Variants in ITGA9 observed in about 807,000 individuals in gnomAD.
ITGA9 encodes integrin alpha-9.
Under a neutral mutation model 127.8 loss-of-function variants are expected in ITGA9, and 56 were observed. The observed-to-expected ratio is 0.44, with a 90% CI of 0.35 to 0.55. ITGA9 has a LOEUF of 0.55. Among genes scored for constraint, ITGA9 ranks in the 20% least tolerant of loss-of-function variants. ITGA9 has a pLI of 0.00. For missense variants in ITGA9, 1,196 were observed against 1,347.1 expected, an observed-to-expected ratio of 0.89 and a Z score of 1.76; for synonymous variants, 508 against 514.5, an observed-to-expected ratio of 0.99 and a Z score of 0.17.
chr3:37,652,685 G>A (rs1340069767), intron 16 of ITGA9, among the ~76,000 whole-genome samples: 1 of 152,082 alleles, frequency 6.6e-6, no homozygotes, highest in African/African-American at 2.4e-5. Flanking sequence ...CTACATTTTG[G>A]GGAAAAAACT....
At chr3:37,505,944 T>C in intron 6 of ITGA9, 56 bp from the exon 7 acceptor site, 1 of 1,269,964 alleles carries the variant, frequency 7.9e-7, no homozygotes, top group Admixed American at 2.0e-5. Context: ...TGGATGTTTT[T>C]TTTTCCCTTC....
In ITGA9 at chr3:37,477,913, A is replaced by AT. The variant is rs201494641; in HGVS notation, c.421-3560dup. Among the ~76,000 whole-genome samples, 456 of 130,084 alleles carry AT rather than the reference A, an allele frequency of 3.5e-3. 2 individuals carry two copies. The highest frequency in any genetic ancestry group is 0.01 in the African/African-American group (355 of 34,398). The allele number at this position is 130,084 out of a possible 152,430, so 85.3% of individuals were successfully genotyped here. On this transcript the variant is annotated intron_variant, in intron 3 of 27. Transcript: ENST00000264741. Reference sequence around the variant, plus strand: ...TCTGTTCAGTGCTTCCCATCTGTCCATTTTTTTTTTTCAAAGCCACAGGGT... The same window carrying AT: ...TCTGTTCAGTGCTTCCCATCTGTCCATTTTTTTTTTTTCAAAGCCACAGGGT...
At chr3:37,458,534 C>G (rs928176550) in intron 1 of ITGA9, among the ~76,000 whole-genome samples, 1 of 152,216 alleles carries the variant, frequency 6.6e-6, no homozygotes, top group Non-Finnish European at 1.5e-5. Context: ...ACAGCCTCAG[C>G]TGGAATCCTG....
At chr3:37,744,120 G>A (rs1161493864) in intron 22 of ITGA9, 86 bp downstream of exon 22, 3 of 915,554 alleles carry the variant, frequency 3.3e-6, no homozygotes, top group Non-Finnish European at 5.5e-6. Flanking sequence ...CTAAGCTCTT[G>A]TCAGGAGAAA....
intron 5 of ITGA9, among the ~76,000 whole-genome samples, chr3:37,498,385 C>T (rs1345046775): frequency 6.6e-6 from 1 of 151,978 alleles, no homozygotes. Context: ...GACAGAGAGC[C>T]GAGGAGAAAG....
At chr3:37,568,926 G>A (rs942754452) in intron 15 of ITGA9, among the ~76,000 whole-genome samples, 1 of 152,022 alleles carries the variant, frequency 6.6e-6, no homozygotes, top group East Asian at 1.9e-4. Flanking sequence ...TTTCAAAGTC[G>A]CTTCCACATT....
At chr3:37,600,157 T>A (rs1457852392) in intron 15 of ITGA9, among the ~76,000 whole-genome samples, 1 of 152,170 alleles carries the variant, frequency 6.6e-6, no homozygotes, top group African/African-American at 2.4e-5. Flanking sequence ...ACATTATAAA[T>A]ACAATAATTT....
At chr3:37,787,714 G>T (rs1485670764) in intron 26 of ITGA9, among the ~76,000 whole-genome samples, 7 of 152,178 alleles carry the variant, frequency 4.6e-5, no homozygotes, top group African/African-American at 1.7e-4. Flanking sequence ...TGAATGCCTG[G>T]CCTTCTGTCA....
chr3:37,526,184 T>G, intron 13 of ITGA9, 113 bp downstream of exon 13: 1 of 909,948 alleles, frequency 1.1e-6, no homozygotes, highest in Non-Finnish European at 1.8e-6. Context: ...TGGAGGTGCT[T>G]AGTAAGTGGA....
At chr3:37,523,644 A>C (rs1278588913) in intron 12 of ITGA9, 33 bp downstream of exon 12, 1 of 1,336,978 alleles carries the variant, frequency 7.5e-7, no homozygotes, top group Non-Finnish European at 1.1e-6. Context: ...CACATGAGAT[A>C]AATGAAGATA....
At chr3:37,747,871 G>C (rs1696524274) in intron 22 of ITGA9, among the ~76,000 whole-genome samples, 1 of 152,044 alleles carries the variant, frequency 6.6e-6, no homozygotes, top group Non-Finnish European at 1.5e-5. Flanking sequence ...TGGGACTAGA[G>C]TTACACACCA....
At chr3:37,818,209 A>G (rs1416481725) in intron 27 of ITGA9, 1 of 149,338 alleles carries the variant, frequency 6.7e-6, no homozygotes, top group African/African-American at 2.5e-5. Flanking sequence ...AAAAAAAAAA[A>G]AAAAAAAAGC....
chr3:37,545,711 G>A (rs566112270), intron 15 of ITGA9, among the ~76,000 whole-genome samples: 4 of 152,206 alleles, frequency 2.6e-5, no homozygotes, highest in East Asian at 3.9e-4. Context: ...TGGGGATGGG[G>A]CCCCTCCCAC....
At chr3:37,575,741 A>G (rs1230109669) in intron 15 of ITGA9, among the ~76,000 whole-genome samples, 1 of 151,670 alleles carries the variant, frequency 6.6e-6, no homozygotes, top group African/African-American at 2.4e-5. Context: ...ACCCACGTGA[A>G]AAAGGATGGC....
At chr3:37,764,678 TCTC>T (rs774530800) in intron 23 of ITGA9, among the ~76,000 whole-genome samples, 5 of 152,058 alleles carry the variant, frequency 3.3e-5, no homozygotes, top group South Asian at 2.1e-4. Flanking sequence ...GCTAGTGACT[TCTC>T]CTCCCCTCTG....
intron 15 of ITGA9, among the ~76,000 whole-genome samples, chr3:37,619,876 T>C (rs1700111167): frequency 6.7e-6 from 1 of 150,116 alleles, no homozygotes; most frequent in Admixed American, 6.6e-5. Flanking sequence ...TAGCTCAGCC[T>C]TCCAGTCTCT....
intron 13 of ITGA9, among the ~76,000 whole-genome samples, chr3:37,528,618 C>G (rs1699118303): frequency 1.3e-5 from 2 of 152,158 alleles, no homozygotes; most frequent in South Asian, 4.1e-4. Context: ...GGAAACCTGA[C>G]CTAGCCTGTG....
intron 14 of ITGA9, among the ~76,000 whole-genome samples, chr3:37,540,814 C>T (rs1699258304): frequency 6.6e-6 from 1 of 152,180 alleles, no homozygotes; most frequent in Non-Finnish European, 1.5e-5. Context: ...GGAGCACTTT[C>T]CTGTATGCAT....
At chr3:37,492,833 CTGTT>C (rs1444053882) in intron 4 of ITGA9, among the ~76,000 whole-genome samples, 6 of 152,168 alleles carry the variant, frequency 3.9e-5, no homozygotes, top group South Asian at 2.1e-4. Context: ...TAATATGTAA[CTGTT>C]TGTTTAGGTT....
Sources: allele counts gnomAD v4.1 joint callset (sites outside exome capture counted in the v4.1 genomes callset), GRCh38; gene constraint gnomAD v4.1.1; transcripts MANE v1.5; gene names NCBI Gene and HGNC (gene_info 2026-07-23, HGNC 2026-07-21).